Variants in AGBL1 observed in about 807,000 individuals in gnomAD.
The protein encoded by AGBL1 is cytosolic carboxypeptidase 4.
AGBL1 carries 130 observed loss-of-function variants against 118.9 expected under a neutral mutation model. The observed-to-expected ratio is 1.09, with a 90% CI of 0.95 to 1.26. AGBL1 has a LOEUF of 1.26. Ranked by LOEUF, AGBL1 falls within the 50% of genes most tolerant of loss-of-function variation. AGBL1 has a pLI of 0.00. For synonymous variants in AGBL1, 555 were observed against 478.9 expected, an observed-to-expected ratio of 1.16 and a Z score of -2.08; for missense variants, 1,584 against 1,298.1, an observed-to-expected ratio of 1.22 and a Z score of -3.38.
chr15:86,587,494 G>A lies in AGBL1; in HGVS notation c.2994+32957G>A, dbSNP rs146084958. Among the ~76,000 whole-genome samples, 430 of 152,196 alleles carry A rather than the reference G, an allele frequency of 2.8e-3. 3 individuals are homozygous for A. The highest frequency in any genetic ancestry group is 9.9e-3 in the African/African-American group (413 of 41,530). On this transcript the variant is annotated intron_variant, in intron 21 of 22. Transcript: ENST00000614907. ...TCATGGAGGGGCTTGTGTTGGCTAC[G>A]GTTTGGGAAAGTGGGTCTAATTCTA...
At chr15:86,528,248 C>G (rs1412986208) in intron 19 of AGBL1, among the ~76,000 whole-genome samples, 1 of 152,176 alleles carries the variant, frequency 6.6e-6, no homozygotes, top group East Asian at 1.9e-4. Flanking sequence ...CCAGTGGGTG[C>G]ACGCACCGGG....
intron 23 of AGBL1, among the ~76,000 whole-genome samples, chr15:86,970,056 C>G (rs2141701431): frequency 6.6e-6 from 1 of 151,764 alleles, no homozygotes; most frequent in Non-Finnish European, 1.5e-5. Context: ...CAAAATAAGA[C>G]TAAAAGGTAA....
chr15:86,661,332 T>C (rs2085535133), intron 21 of AGBL1, among the ~76,000 whole-genome samples: 1 of 152,072 alleles, frequency 6.6e-6, no homozygotes, highest in Non-Finnish European at 1.5e-5. Context: ...ATTTTTAGAC[T>C]GGAGGCAGGT....
chr15:86,095,891 T>C (rs148532471), intron 1 of AGBL1, among the ~76,000 whole-genome samples: 46 of 152,236 alleles, frequency 3.0e-4, no homozygotes, highest in Non-Finnish European at 4.4e-4. Flanking sequence ...AGGCAAGCCA[T>C]GTAACATTCT....
At chr15:86,316,980 A>C (rs143760261) in intron 17 of AGBL1, 1 of 152,284 alleles carries the variant, frequency 6.6e-6, no homozygotes, top group Non-Finnish European at 1.5e-5. Context: ...TTTCAGGGCT[A>C]TGAGCCGTCC....
chr15:86,975,454 A>G (rs1230928800), intron 23 of AGBL1, among the ~76,000 whole-genome samples: 4 of 152,070 alleles, frequency 2.6e-5, no homozygotes. Context: ...GGCCCCTCCC[A>G]CGACACCTGG....
At chr15:86,772,856 G>A (rs980534519) in intron 22 of AGBL1, among the ~76,000 whole-genome samples, 1 of 152,048 alleles carries the variant, frequency 6.6e-6, no homozygotes, top group African/African-American at 2.4e-5. Flanking sequence ...GACCTTTGGA[G>A]CTGTTTCAGT....
intron 21 of AGBL1, among the ~76,000 whole-genome samples, chr15:86,607,570 C>T (rs1447029842): frequency 1.3e-5 from 2 of 152,124 alleles, no homozygotes; most frequent in Admixed American, 6.6e-5. Flanking sequence ...TACGCCATAT[C>T]CTTACCAGCA....
At chr15:86,179,585 T>G (rs1319714973) in intron 5 of AGBL1, among the ~76,000 whole-genome samples, 3 of 152,170 alleles carry the variant, frequency 2.0e-5, no homozygotes, top group Non-Finnish European at 4.4e-5. Context: ...ATGAAAACTG[T>G]TAAGCCACAT....
chr15:86,516,303 G>C (rs2083120120), intron 18 of AGBL1, among the ~76,000 whole-genome samples: 1 of 152,226 alleles, frequency 6.6e-6, no homozygotes, highest in Admixed American at 6.5e-5. Context: ...ATCTTATTTG[G>C]TAATAAAATG....
At chr15:86,490,071 C>T (rs1373995657) in intron 18 of AGBL1, among the ~76,000 whole-genome samples, 1 of 152,118 alleles carries the variant, frequency 6.6e-6, no homozygotes, top group Non-Finnish European at 1.5e-5. Context: ...AACAGCTCAA[C>T]ATAAAGTGCT....
chr15:86,567,208 T>A (rs947130640), intron 21 of AGBL1, among the ~76,000 whole-genome samples: 4 of 152,216 alleles, frequency 2.6e-5, no homozygotes, highest in African/African-American at 9.7e-5. Context: ...ATTAAGACTC[T>A]AAGCTTTTAT....
intron 17 of AGBL1, among the ~76,000 whole-genome samples, chr15:86,301,641 GGTGTGTGTGTGTGTGT>G (rs60282415): frequency 0.014 from 1,918 of 137,322 alleles, 34 homozygotes; most frequent in African/African-American, 0.044. Flanking sequence ...TAATCTACAG[GGTGTGTGTGTGTGTGT>G]GTGTGTGTGT....
At chr15:86,857,427 C>G (rs1040780981) in intron 22 of AGBL1, among the ~76,000 whole-genome samples, 1 of 152,178 alleles carries the variant, frequency 6.6e-6, no homozygotes, top group Non-Finnish European at 1.5e-5. Context: ...CTTGCTCCAG[C>G]CATGTGGCCT....
intron 21 of AGBL1, among the ~76,000 whole-genome samples, chr15:86,649,931 A>G (rs2085342670): frequency 6.6e-6 from 1 of 152,146 alleles, no homozygotes; most frequent in Non-Finnish European, 1.5e-5. Context: ...TCAATAACTC[A>G]CTCACCAATC....
chr15:86,219,132 G>C (rs1289384609), intron 5 of AGBL1, among the ~76,000 whole-genome samples: 2 of 152,138 alleles, frequency 1.3e-5, no homozygotes, highest in Non-Finnish European at 2.9e-5. Context: ...CCAGGGATAG[G>C]AGCACATTTT....
At position 86,570,847 on chromosome 15, in the gene AGBL1, C is replaced by T. The variant is rs554073312; in HGVS notation, c.2994+16310C>T. ...TTGCTTGGGCCCTCTGGGCTTGTTCCGCTCACTCGACCTGGCAGGCTGGAC... is the reference window on the plus strand; with the variant it reads ...TTGCTTGGGCCCTCTGGGCTTGTTCTGCTCACTCGACCTGGCAGGCTGGAC... On this transcript the variant is annotated intron_variant, in intron 21 of 22. Transcript: ENST00000614907. 1.4e-4 allele frequency among the ~76,000 whole-genome samples: 21 copies of T among 152,270 alleles called. No individual in the cohort carries two copies. The South Asian group carries it at 2.1e-3, about 15-fold the overall frequency.
chr15:86,768,672 A>T (rs1214997298), intron 22 of AGBL1, among the ~76,000 whole-genome samples: 1 of 151,944 alleles, frequency 6.6e-6, no homozygotes, highest in Non-Finnish European at 1.5e-5. Context: ...ACTATCTACC[A>T]CATTGCATTT....
At chr15:86,266,321 T>G in intron 11 of AGBL1, 53 bp from the exon 12 acceptor site, 17 of 1,370,740 alleles carry the variant, frequency 1.2e-5, no homozygotes, top group Non-Finnish European at 1.5e-5. Context: ...ACAGGATGAG[T>G]GAGCTAGGGA....
Sources: gnomAD v4.1 joint callset for allele counts (sites outside exome capture counted in the v4.1 genomes callset) on GRCh38, gnomAD v4.1.1 for gene constraint, MANE v1.5 for transcripts, NCBI Gene and HGNC (gene_info 2026-07-23, HGNC 2026-07-21) for gene names.